COG5: variants seen among roughly 807,000 people sequenced by gnomAD.
COG5 encodes conserved oligomeric Golgi complex subunit 5.
In COG5, 86 loss-of-function variants were observed where a neutral mutation model predicts 110.4. The observed-to-expected ratio is 0.78, with a 90% CI of 0.65 to 0.93. COG5 has a LOEUF of 0.93. Ranked by LOEUF, COG5 falls within the 40% of genes least tolerant of loss-of-function variation. The pLI is 0.00. For missense variants in COG5, 1,077 were observed against 987.0 expected (o/e 1.09, Z -1.22); for synonymous variants, 360 against 334.6 (o/e 1.08, Z -0.83).
intron 5 of COG5, among the ~76,000 whole-genome samples, chr7:107,536,221 G>A (rs1801573518): frequency 6.6e-6 from 1 of 152,170 alleles, no homozygotes; most frequent in African/African-American, 2.4e-5. Context: ...AGTCAAGGAT[G>A]CCCCTTCTCA....
At chr7:107,533,338 A>T (rs1801345794) in intron 5 of COG5, among the ~76,000 whole-genome samples, 1 of 151,690 alleles carries the variant, frequency 6.6e-6, no homozygotes, top group Admixed American at 6.5e-5. Flanking sequence ...TGACAGAAGG[A>T]GACTTCAGAA....
At chr7:107,406,148 A>G (rs1418569346) in intron 7 of COG5, among the ~76,000 whole-genome samples, 1 of 152,220 alleles carries the variant, frequency 6.6e-6, no homozygotes, top group Non-Finnish European at 1.5e-5. Flanking sequence ...ATAAACTATG[A>G]TAATATGATA....
chr7:107,335,367 G>T (rs981133858), intron 10 of COG5, among the ~76,000 whole-genome samples: 17 of 152,198 alleles, frequency 1.1e-4, no homozygotes, highest in African/African-American at 3.9e-4. Flanking sequence ...TCCAGCCTGG[G>T]CTACAGAGCA....
chr7:107,352,053 C>T (rs954981207), intron 10 of COG5, among the ~76,000 whole-genome samples: 1 of 145,984 alleles, frequency 6.9e-6, no homozygotes, highest in African/African-American at 2.5e-5. Context: ...AGACTTGGAA[C>T]CAACCCAAAT....
intron 6 of COG5, among the ~76,000 whole-genome samples, chr7:107,508,469 CAA>C (rs1253319606): frequency 6.6e-6 from 1 of 152,228 alleles, no homozygotes; most frequent in South Asian, 2.1e-4. Flanking sequence ...CACAGACAAA[CAA>C]AAAGACAGCA....
chr7:107,515,176 T>G (rs1018896967), intron 6 of COG5, among the ~76,000 whole-genome samples: 3 of 152,162 alleles, frequency 2.0e-5, no homozygotes, highest in Non-Finnish European at 4.4e-5. Flanking sequence ...TATGGGAAAT[T>G]TTTCCTCCTT....
intron 6 of COG5, among the ~76,000 whole-genome samples, chr7:107,444,959 G>A (rs533347257): frequency 4.6e-5 from 7 of 152,202 alleles, no homozygotes; most frequent in African/African-American, 1.7e-4. Flanking sequence ...AGGCCAAGGC[G>A]GGGGAACTGT....
intron 2 of COG5, among the ~76,000 whole-genome samples, chr7:107,557,477 AAG>A (rs1803406017): frequency 6.6e-6 from 1 of 152,232 alleles, no homozygotes; most frequent in Non-Finnish European, 1.5e-5. Context: ...CAAAGACTTT[AAG>A]TGATATTAAA....
chr7:107,549,362 T>C (rs1045181349), intron 3 of COG5: 2 of 152,162 alleles, frequency 1.3e-5, no homozygotes, highest in African/African-American at 4.8e-5. Context: ...TTCACAGCAG[T>C]TGACTACTCC....
intron 19 of COG5, 34 bp downstream of exon 19, chr7:107,230,581 G>A: frequency 6.8e-7 from 1 of 1,463,070 alleles, no homozygotes; most frequent in Non-Finnish European, 9.6e-7. Flanking sequence ...TTGCCTGGAG[G>A]ATATGAATGT....
chr7:107,303,651 G>A (rs975056619), intron 11 of COG5, among the ~76,000 whole-genome samples: 1 of 151,686 alleles, frequency 6.6e-6, no homozygotes, highest in Non-Finnish European at 1.5e-5. Flanking sequence ...CAAACTCCTA[G>A]GCTGGTCTCA....
chr7:107,311,143 G>A (rs1411325745), intron 11 of COG5, among the ~76,000 whole-genome samples: 13 of 151,980 alleles, frequency 8.6e-5, no homozygotes, highest in East Asian at 5.8e-4. Context: ...GTAGAATTTC[G>A]GGGTAAATGA....
chr7:107,377,866 G>A (rs559430917), intron 7 of COG5, among the ~76,000 whole-genome samples: 22 of 152,286 alleles, frequency 1.4e-4, no homozygotes, highest in Admixed American at 8.5e-4. Context: ...GGCTGTGGGC[G>A]CAACTACAGC....
At chr7:107,403,386 CT>C (rs879845783) in intron 7 of COG5, among the ~76,000 whole-genome samples, 547 of 143,838 alleles carry the variant, frequency 3.8e-3, no homozygotes, top group African/African-American at 5.8e-3. Flanking sequence ...GAAAGACACC[CT>C]TTTTTTTTTT....
intron 6 of COG5, among the ~76,000 whole-genome samples, chr7:107,453,423 G>C (rs3779496): frequency 0.62 from 94,596 of 152,002 alleles, 31,874 homozygotes; most frequent in African/African-American, 0.9. Flanking sequence ...TAAGCTCATA[G>C]ATTAGCTAAA....
chr7:107,385,809 T>TC (rs1790147163), intron 7 of COG5, among the ~76,000 whole-genome samples: 1 of 149,968 alleles, frequency 6.7e-6, no homozygotes, highest in African/African-American at 2.5e-5. Flanking sequence ...TATTTTCTTT[T>TC]TTTTTTTTTT....
At chr7:107,208,000 A>T in intron 21 of COG5, 2 of 985,460 alleles carry the variant, frequency 2.0e-6, no homozygotes, top group Non-Finnish European at 2.4e-6. Flanking sequence ...CTGACATTTA[A>T]AGAGCAATAC....
At chr7:107,502,961 T>C (rs1251447283) in intron 6 of COG5, among the ~76,000 whole-genome samples, 1 of 152,122 alleles carries the variant, frequency 6.6e-6, no homozygotes, top group African/African-American at 2.4e-5. Context: ...GTTCTGTGGG[T>C]TGTCTGTTTA....
chr7:107,359,711 G>A (rs1812929424), intron 10 of COG5, among the ~76,000 whole-genome samples: 1 of 152,216 alleles, frequency 6.6e-6, no homozygotes, highest in Non-Finnish European at 1.5e-5. Context: ...ATCTGCCTGT[G>A]GACAGGAGCT....
Sources: allele counts gnomAD v4.1 joint callset (sites outside exome capture counted in the v4.1 genomes callset), GRCh38; gene constraint gnomAD v4.1.1; transcripts MANE v1.5; gene names NCBI Gene and HGNC (gene_info 2026-07-23, HGNC 2026-07-21).